LYPLAL1: variants seen among roughly 807,000 people sequenced by gnomAD.
The protein encoded by LYPLAL1 is lysophospholipase like 1, also known as lysophospholipase-like protein 1.
Under a neutral mutation model 19.7 loss-of-function variants are expected in LYPLAL1, and 23 were observed. That is an observed-to-expected ratio of 1.17 (90% CI 0.84 to 1.65). The LOEUF is 1.65. Ranked by LOEUF, LYPLAL1 falls within the 40% of genes most tolerant of loss-of-function variation. The pLI is 0.00. For synonymous variants in LYPLAL1, 119 were observed against 96.3 expected, an observed-to-expected ratio of 1.24 and a Z score of -1.38; for missense variants, 355 against 279.4, an observed-to-expected ratio of 1.27 and a Z score of -1.93.
chr1:219,342,627 T>C, the LYPLAL1 span, among the ~76,000 whole-genome samples: 2 of 152,270 alleles, frequency 1.3e-5, no homozygotes, highest in African/African-American at 4.8e-5. Flanking sequence ...TTAGCACTAG[T>C]CTTGCATTTT....
At chr1:219,376,027 C>A in the LYPLAL1 span, among the ~76,000 whole-genome samples, 1 of 152,136 alleles carries the variant, frequency 6.6e-6, no homozygotes, top group African/African-American at 2.4e-5. Context: ...AGCCGTGAGC[C>A]ACTGCACCTG....
the LYPLAL1 span, among the ~76,000 whole-genome samples, chr1:219,424,229 A>G: frequency 1.3e-5 from 2 of 152,148 alleles, no homozygotes; most frequent in East Asian, 3.8e-4. Context: ...TCATCTAATT[A>G]AATAAAACTA....
chr1:219,216,917 G>A (rs141386611), downstream of LYPLAL1, among the ~76,000 whole-genome samples: 72 of 152,200 alleles, frequency 4.7e-4, no homozygotes, highest in African/African-American at 1.6e-3. Flanking sequence ...AGTACAATAT[G>A]TAAAAACATA....
intron 3 of LYPLAL1, chr1:219,198,885 C>T (rs574863636): frequency 2.6e-5 from 4 of 152,204 alleles, no homozygotes; most frequent in Admixed American, 2.0e-4. Flanking sequence ...CAAACTTGAG[C>T]TTTTCATCAA....
the LYPLAL1 span, among the ~76,000 whole-genome samples, chr1:219,329,910 C>A: frequency 6.6e-6 from 1 of 152,128 alleles, no homozygotes; most frequent in African/African-American, 2.4e-5. Context: ...GCCCCCACCC[C>A]CTCTGATTTA....
intron 2 of LYPLAL1, among the ~76,000 whole-genome samples, chr1:219,191,305 T>C (rs890651056): frequency 4.0e-5 from 6 of 151,728 alleles, no homozygotes; most frequent in Admixed American, 3.3e-4. Flanking sequence ...TATGCATATG[T>C]TTAATGAAGC....
chr1:219,174,210 T>C, intron 1 of LYPLAL1: 4 of 1,402,422 alleles, frequency 2.9e-6, no homozygotes, highest in South Asian at 1.5e-5. Flanking sequence ...CACCCTCGCT[T>C]TGGGGCCTTG....
chr1:219,241,680 A>G, the LYPLAL1 span, among the ~76,000 whole-genome samples: 18 of 152,248 alleles, frequency 1.2e-4, no homozygotes, highest in Non-Finnish European at 2.4e-4. Flanking sequence ...ACTTCCTAAA[A>G]TAAAAATCTG....
intron 2 of LYPLAL1, among the ~76,000 whole-genome samples, chr1:219,184,055 C>T (rs1048111314): frequency 2.0e-5 from 3 of 151,758 alleles, no homozygotes; most frequent in African/African-American, 7.3e-5. Context: ...CTTGCATTTA[C>T]GTGTAAATTT....
chr1:219,321,193 G>A, the LYPLAL1 span, among the ~76,000 whole-genome samples: 1 of 152,260 alleles, frequency 6.6e-6, no homozygotes, highest in South Asian at 2.1e-4. Context: ...GATGGTCAGT[G>A]ATGAGGAGCA....
chr1:219,403,474 A>G, the LYPLAL1 span, among the ~76,000 whole-genome samples: 5 of 152,316 alleles, frequency 3.3e-5, no homozygotes, highest in East Asian at 9.6e-4. Context: ...AGGGAGAAGC[A>G]GGGAACTGGG....
chr1:219,399,744 G>A, the LYPLAL1 span, among the ~76,000 whole-genome samples: 1 of 152,140 alleles, frequency 6.6e-6, no homozygotes, highest in African/African-American at 2.4e-5. Context: ...GGAGAGGCCA[G>A]GACTAAGGGG....
the LYPLAL1 span, among the ~76,000 whole-genome samples, chr1:219,264,815 C>G: frequency 5.7e-4 from 86 of 152,168 alleles, no homozygotes; most frequent in Middle Eastern, 3.2e-3. Flanking sequence ...TCTACTAGAG[C>G]AAATGATTAC....
the LYPLAL1 span, among the ~76,000 whole-genome samples, chr1:219,235,338 C>A: frequency 1.3e-5 from 2 of 152,248 alleles, no homozygotes; most frequent in African/African-American, 4.8e-5. Flanking sequence ...GAGAACATAA[C>A]TTTCTAAAGT....
At chr1:219,174,980 T>G in intron 1 of LYPLAL1, 1 of 985,416 alleles carries the variant, frequency 1.0e-6, no homozygotes, top group Non-Finnish European at 1.2e-6. Context: ...ATGAAAAGCT[T>G]GTCAGACTTT....
At chr1:219,377,079 C>T in the LYPLAL1 span, among the ~76,000 whole-genome samples, 1 of 152,068 alleles carries the variant, frequency 6.6e-6, no homozygotes, top group African/African-American at 2.4e-5. Flanking sequence ...CAAAATCAAC[C>T]CAAAGTGTCC....
chr1:219,328,951 G>A, the LYPLAL1 span, among the ~76,000 whole-genome samples: 1 of 151,944 alleles, frequency 6.6e-6, no homozygotes, highest in Non-Finnish European at 1.5e-5. Flanking sequence ...TGCTAATAAT[G>A]AATTTATTTT....
the LYPLAL1 span, among the ~76,000 whole-genome samples, chr1:219,425,922 C>A: frequency 1.3e-5 from 2 of 152,192 alleles, no homozygotes; most frequent in African/African-American, 4.8e-5. Flanking sequence ...CAGGAAAGTT[C>A]TGTAGCTCTT....
At chr1:219,369,519 G>A in the LYPLAL1 span, among the ~76,000 whole-genome samples, 1 of 152,184 alleles carries the variant, frequency 6.6e-6, no homozygotes, top group Non-Finnish European at 1.5e-5. Context: ...TAATCCGCCT[G>A]CCTTAGCGTC....
Sources: gnomAD v4.1 joint callset for allele counts (sites outside exome capture counted in the v4.1 genomes callset) on GRCh38, gnomAD v4.1.1 for gene constraint, MANE v1.5 for transcripts, NCBI Gene and HGNC (gene_info 2026-07-23, HGNC 2026-07-21) for gene names.